The following CFAP299 variants were observed in gnomAD, a reference collection of about 807,000 sequenced individuals.
CFAP299 encodes cilia- and flagella-associated protein 299.
A neutral mutation model predicts 27.0 loss-of-function variants in CFAP299; 21 were observed. The observed-to-expected ratio is 0.78, with a 90% CI of 0.55 to 1.12. CFAP299 has a LOEUF of 1.12. Among genes scored for constraint, CFAP299 ranks in the 50% most tolerant of loss-of-function variants. CFAP299 has a pLI of 0.00. For missense variants in CFAP299, 310 were observed against 276.6 expected, an observed-to-expected ratio of 1.12 and a Z score of -0.86; for synonymous variants, 104 against 98.1, an observed-to-expected ratio of 1.06 and a Z score of -0.36.
intron 2 of CFAP299, among the ~76,000 whole-genome samples, chr4:80,581,490 G>C (rs937789174): frequency 6.8e-5 from 5 of 73,440 alleles, no homozygotes; most frequent in African/African-American, 1.2e-4. Context: ...ATATATATAT[G>C]ACAAGCTGAG....
chr4:80,362,119 T>C (rs1180969883), intron 1 of CFAP299, among the ~76,000 whole-genome samples: 1 of 4,894 alleles, frequency 2.0e-4, no homozygotes, highest in East Asian at 2.1e-3. Context: ...ACTGGGAAGT[T>C]TTTTTTTTTT....
chr4:80,605,136 A>G (rs565102283), intron 3 of CFAP299, among the ~76,000 whole-genome samples: 116 of 152,320 alleles, frequency 7.6e-4, no homozygotes, highest in Non-Finnish European at 1.5e-3. Flanking sequence ...ATACCTCAAA[A>G]GAGAAATGGT....
intron 3 of CFAP299, among the ~76,000 whole-genome samples, chr4:80,633,293 A>G (rs1016236927): frequency 6.6e-6 from 1 of 152,056 alleles, no homozygotes; most frequent in Non-Finnish European, 1.5e-5. Flanking sequence ...CTAAAAATAC[A>G]AAATTAGCCG....
At chr4:80,527,763 A>G (rs963846127) in intron 2 of CFAP299, among the ~76,000 whole-genome samples, 1 of 152,014 alleles carries the variant, frequency 6.6e-6, no homozygotes, top group Non-Finnish European at 1.5e-5. Flanking sequence ...ATAGCTTCTT[A>G]TAATTGCTTT....
At chr4:80,697,120 G>T (rs932978923) in intron 3 of CFAP299, among the ~76,000 whole-genome samples, 1 of 152,056 alleles carries the variant, frequency 6.6e-6, no homozygotes, top group East Asian at 1.9e-4. Context: ...AAGGCAGGAG[G>T]ATTGCTTGAA....
intron 5 of CFAP299, among the ~76,000 whole-genome samples, chr4:80,946,846 T>G (rs1328296403): frequency 3.3e-5 from 5 of 152,126 alleles, no homozygotes; most frequent in Non-Finnish European, 7.4e-5. Flanking sequence ...ACTTAATAAA[T>G]AGCATTTCCA....
At chr4:80,460,602 G>A (rs1306107819) in intron 2 of CFAP299, among the ~76,000 whole-genome samples, 31 of 152,132 alleles carry the variant, frequency 2.0e-4, no homozygotes, top group Admixed American at 1.8e-3. Context: ...CCGATTACTA[G>A]TTGATGATTT....
At chr4:80,819,324 T>C (rs1340302463) in intron 3 of CFAP299, among the ~76,000 whole-genome samples, 2 of 152,096 alleles carry the variant, frequency 1.3e-5, no homozygotes, top group Non-Finnish European at 2.9e-5. Context: ...AAGCATAGTT[T>C]GGTGAATGCA....
chr4:80,962,227 A>G (rs1329970317), intron 5 of CFAP299, among the ~76,000 whole-genome samples: 1 of 152,014 alleles, frequency 6.6e-6, no homozygotes, highest in African/African-American at 2.4e-5. Context: ...CAGCTATAAC[A>G]TAAATTTTCA....
At chr4:80,791,470 C>G (rs1727565999) in intron 3 of CFAP299, among the ~76,000 whole-genome samples, 1 of 151,886 alleles carries the variant, frequency 6.6e-6, no homozygotes, top group South Asian at 2.1e-4. Context: ...ACATAGGAGG[C>G]CCTTAATAAG....
intron 3 of CFAP299, among the ~76,000 whole-genome samples, chr4:80,848,664 C>T (rs187984568): frequency 6.6e-5 from 10 of 152,090 alleles, no homozygotes. Context: ...ATAATCCTAG[C>T]TACATGAGAG....
At chr4:80,485,997 G>A (rs534533101) in intron 2 of CFAP299, among the ~76,000 whole-genome samples, 7 of 151,782 alleles carry the variant, frequency 4.6e-5, no homozygotes, top group East Asian at 1.9e-4. Flanking sequence ...GTTTGGCTGC[G>A]TTGCTCAGGC....
At position 80,638,251 on chromosome 4, in the gene CFAP299, A is replaced by G. The variant is rs1405475515; in HGVS notation, c.333+55068A>G. 2.6e-5 allele frequency among the ~76,000 whole-genome samples: 4 copies of G among 152,092 alleles called. No individual in the cohort carries two copies. In the East Asian group the frequency reaches 7.7e-4, roughly 29 times the overall value. On this transcript the variant is annotated intron_variant, in intron 3 of 5. Transcript: ENST00000358105. ...TGATCCCCCTACTTGGAGAACTTTT[A>G]TTCAGTTTTAGTAATGGGGTGTGGA...
chr4:80,596,620 T>A (rs962719859), intron 3 of CFAP299, among the ~76,000 whole-genome samples: 1 of 152,224 alleles, frequency 6.6e-6, no homozygotes, highest in Middle Eastern at 3.4e-3. Context: ...AGCAAACATA[T>A]AAAAGCATGC....
At chr4:80,568,524 C>T (rs1297788758) in intron 2 of CFAP299, among the ~76,000 whole-genome samples, 1 of 151,954 alleles carries the variant, frequency 6.6e-6, no homozygotes, top group Non-Finnish European at 1.5e-5. Context: ...ACAGTCAAGC[C>T]TTTTCCAAGC....
intron 3 of CFAP299, among the ~76,000 whole-genome samples, chr4:80,800,031 A>C (rs1212553745): frequency 1.8e-5 from 1 of 54,340 alleles, no homozygotes; most frequent in Non-Finnish European, 3.1e-5. Context: ...ATTATATATA[A>C]TATATAATAA....
rs185157071 is a variant in CFAP299 at position 80,517,303 on chromosome 4, T to A, written c.243-65790T>A. Among the ~76,000 whole-genome samples, 465 of 152,300 alleles carry A rather than the reference T, an allele frequency of 3.1e-3. 1 individual carries two copies. The highest frequency in any genetic ancestry group is 0.01 in the Middle Eastern group (3 of 294). ...TCTGTTGTTTTAGATCAGAAAGAAC[T>A]GAGCATGTTGAAATGCTGGTCAGAA... On this transcript the variant is annotated intron_variant, in intron 2 of 5. Coordinates refer to ENST00000358105, the MANE Select transcript of CFAP299 (RefSeq NM_152770.3).
chr4:80,786,256 A>AAG (rs1269834547), intron 3 of CFAP299, among the ~76,000 whole-genome samples: 1 of 152,124 alleles, frequency 6.6e-6, no homozygotes, highest in Non-Finnish European at 1.5e-5. Flanking sequence ...TAGTGTAATT[A>AAG]AGTCATAGTT....
chr4:80,722,173 T>C (rs182154542), intron 3 of CFAP299, among the ~76,000 whole-genome samples: 51 of 152,222 alleles, frequency 3.4e-4, no homozygotes, highest in African/African-American at 1.2e-3. Context: ...ATCTCAGCAC[T>C]TTGGGAGGCT....
Sources: allele counts gnomAD v4.1 joint callset (sites outside exome capture counted in the v4.1 genomes callset), GRCh38; gene constraint gnomAD v4.1.1; transcripts MANE v1.5; gene names NCBI Gene and HGNC (gene_info 2026-07-23, HGNC 2026-07-21).